The following PDE2A variants were observed in gnomAD, a reference collection of about 807,000 sequenced individuals.
PDE2A encodes the protein phosphodiesterase 2A.
A neutral mutation model predicts 133.6 loss-of-function variants in PDE2A; 53 were observed. The observed-to-expected ratio is 0.40, with a 90% confidence interval of 0.32 to 0.50. The LOEUF is 0.50. Ranked by LOEUF, PDE2A falls within the 20% of genes least tolerant of loss-of-function variation. The pLI is 0.73. For missense variants in PDE2A, 796 were observed against 1,232.4 expected (o/e 0.65, Z 5.30); for synonymous variants, 491 against 490.2 (o/e 1.00, Z -0.02).
At chr11:72,662,132 G>A (rs953125318) in intron 1 of PDE2A, among the ~76,000 whole-genome samples, 1 of 152,198 alleles carries the variant, frequency 6.6e-6, no homozygotes, top group Admixed American at 6.5e-5. Flanking sequence ...AGGCAGCTGG[G>A]GTCTGGAGGA....
At chr11:72,634,123 T>C (rs1010996275) in intron 2 of PDE2A, among the ~76,000 whole-genome samples, 3 of 151,770 alleles carry the variant, frequency 2.0e-5, no homozygotes, top group Non-Finnish European at 2.9e-5. Flanking sequence ...CTCACGGGGA[T>C]GGGGAGGGCC....
At chr11:72,631,450 C>A (rs1036284452) in intron 2 of PDE2A, among the ~76,000 whole-genome samples, 1 of 152,290 alleles carries the variant, frequency 6.6e-6, no homozygotes, top group East Asian at 1.9e-4. Context: ...ACTTCTGCTT[C>A]TCTCCAGGGA....
intron 1 of PDE2A, chr11:72,668,224 T>C: frequency 1.4e-6 from 1 of 716,762 alleles, no homozygotes; most frequent in Non-Finnish European, 2.6e-6. Flanking sequence ...TCTGGAACAG[T>C]AATGTATGGA....
chr11:72,625,662 T>C (rs192515824), intron 2 of PDE2A, among the ~76,000 whole-genome samples: 1 of 152,122 alleles, frequency 6.6e-6, no homozygotes, highest in Non-Finnish European at 1.5e-5. Flanking sequence ...AGGGCATTTG[T>C]GGGGTTTGGA....
intron 25 of PDE2A, 173 bp from the exon 26 acceptor site, chr11:72,579,781 G>T: frequency 1.7e-6 from 1 of 599,580 alleles, no homozygotes; most frequent in Non-Finnish European, 3.0e-6. Flanking sequence ...TCAACCCTCT[G>T]TGTGACCCAG....
At chr11:72,626,730 G>C (rs959070804) in intron 2 of PDE2A, among the ~76,000 whole-genome samples, 1 of 152,094 alleles carries the variant, frequency 6.6e-6, no homozygotes, top group African/African-American at 2.4e-5. Flanking sequence ...CCTGGCTCCC[G>C]CCCCTGCCTA....
rs1857078293 is a variant in PDE2A, at chr11:72,608,725, G to A, written c.171C>T (p.Val57=). Residue 57 remains valine, a synonymous_variant, in exon 3 of 31, where the codon GTC becomes GTT. Transcript: ENST00000334456. ...CACGTTGCAGGCCTGAAATGTCGAT[G>A]ACAGAGCCCAGACTCAGCAAGGCGT... ...LQDALLSLGS[V]IDISGLQRAV... The A allele has an allele frequency of 2.5e-6, 4 of 1,570,836 alleles. No homozygotes were observed. The highest frequency in any genetic ancestry group is 3.5e-6 in the Non-Finnish European group (4 of 1,156,770).
intron 1 of PDE2A, chr11:72,658,098 A>C (rs1854948515): frequency 2.2e-6 from 1 of 456,062 alleles, no homozygotes; most frequent in Non-Finnish European, 4.4e-6. Context: ...TCATTACTCC[A>C]TTTTACGGAT....
intron 2 of PDE2A, chr11:72,636,043 C>G: frequency 7.9e-7 from 1 of 1,273,814 alleles, no homozygotes; most frequent in South Asian, 1.3e-5. Context: ...TAGAGGCAAC[C>G]GTGGATGGGA....
At chr11:72,635,183 T>C (rs1858618794) in intron 2 of PDE2A, among the ~76,000 whole-genome samples, 1 of 152,160 alleles carries the variant, frequency 6.6e-6, no homozygotes, top group South Asian at 2.1e-4. Context: ...CTCTCTCGAA[T>C]GTACACACAC....
In PDE2A at chr11:72,590,252, G is replaced by A; in HGVS notation, c.704-8C>T. On this transcript the variant is annotated splice_region_variant and splice_polypyrimidine_tract_variant and intron_variant, in intron 8 of 30. Transcript: ENST00000334456. The surrounding 1 kb of genome is among the most constrained non-coding windows in gnomAD (Gnocchi z 4.8). ...CCAGGTCGTAGAGTTCCCCTGCAAG[G>A]GCCAGGCGCCGGTCAGAGAGAGGGC... 1 of 1,551,402 alleles carries A rather than the reference G, an allele frequency of 6.4e-7. No individual in the cohort carries two copies. Among genetic ancestry groups the A allele is most frequent in the Non-Finnish European group, 8.7e-7 (1 of 1,146,832 alleles).
intron 2 of PDE2A, among the ~76,000 whole-genome samples, chr11:72,614,911 C>T (rs545076265): frequency 1.3e-5 from 2 of 152,134 alleles, no homozygotes; most frequent in South Asian, 2.1e-4. Flanking sequence ...CCACTCGCAG[C>T]GCAGGAGCCC....
intron 2 of PDE2A, among the ~76,000 whole-genome samples, chr11:72,627,481 T>C (rs949416601): frequency 4.6e-5 from 7 of 152,080 alleles, no homozygotes; most frequent in Admixed American, 4.6e-4. Context: ...AAAGGAAAGG[T>C]ATTCCAGACA....
At chr11:72,661,801 CAT>C (rs1471377003) in intron 1 of PDE2A, among the ~76,000 whole-genome samples, 5 of 152,218 alleles carry the variant, frequency 3.3e-5, no homozygotes, top group African/African-American at 7.2e-5. Context: ...ATGCGCCACA[CAT>C]GTGCTGAATC....
At chr11:72,579,431 C>T in intron 26 of PDE2A, 48 bp from the exon 27 acceptor site, 2 of 1,571,742 alleles carry the variant, frequency 1.3e-6, no homozygotes, top group Middle Eastern at 3.4e-4. Flanking sequence ...ACACCCCCAC[C>T]CATTTGCCCA....
At chr11:72,586,543 C>T (rs542073603) in intron 13 of PDE2A, among the ~76,000 whole-genome samples, 1 of 152,320 alleles carries the variant, frequency 6.6e-6, no homozygotes, top group South Asian at 2.1e-4. Flanking sequence ...GTGGCACTGC[C>T]CTATCTTGTG....
intron 4 of PDE2A, 93 bp downstream of exon 4, chr11:72,605,045 G>T: frequency 1.4e-6 from 1 of 732,860 alleles, no homozygotes; most frequent in Non-Finnish European, 2.3e-6. Flanking sequence ...ATGTTGGAAG[G>T]GGAGGGTCAG....
chr11:72,607,540 C>T (rs1857027233), intron 3 of PDE2A, among the ~76,000 whole-genome samples: 1 of 152,186 alleles, frequency 6.6e-6, no homozygotes, highest in South Asian at 2.1e-4. Context: ...CTCATTAGCC[C>T]TCCTCCTGGG....
intron 1 of PDE2A, among the ~76,000 whole-genome samples, chr11:72,659,784 C>T (rs548466260): frequency 1.3e-4 from 20 of 152,176 alleles, no homozygotes; most frequent in Admixed American, 6.5e-4. Context: ...AAAGGAGGGG[C>T]GGGTTTGTGG....
Sources: allele counts gnomAD v4.1 joint callset (sites outside exome capture counted in the v4.1 genomes callset), GRCh38; gene constraint gnomAD v4.1.1; non-coding constraint Gnocchi (gnomAD v3.1); transcripts MANE v1.5; gene names NCBI Gene and HGNC (gene_info 2026-07-23, HGNC 2026-07-21).